Variants in TBXAS1 observed in about 807,000 individuals in gnomAD.
The protein encoded by TBXAS1 is thromboxane-A synthase.
A neutral mutation model predicts 60.7 loss-of-function variants in TBXAS1; 48 were observed. The ratio of observed to expected loss-of-function variants is 0.79; its 90% CI spans 0.63 to 1.01. TBXAS1 has a LOEUF of 1.01. Ranked by LOEUF, TBXAS1 falls within the 50% of genes least tolerant of loss-of-function variation. The probability of loss-of-function intolerance (pLI) is 0.00; values close to 1 mark genes in which losing one functional copy is unlikely to be tolerated. For missense variants in TBXAS1, 685 were observed against 686.3 expected, an observed-to-expected ratio of 1.00 and a Z score of 0.02; for synonymous variants, 287 against 269.7, an observed-to-expected ratio of 1.06 and a Z score of -0.63.
In TBXAS1 at chr7:139,911,353, T is replaced by C. The variant is rs766047290; in HGVS notation, c.333+32T>C. On this transcript the variant is annotated intron_variant, in intron 4 of 12. Coordinates refer to ENST00000448866, the MANE Select transcript of TBXAS1 (RefSeq NM_001061.7). ...AGTTTTCTTTCCGCATATAGATGGA[T>C]GGGGAATTGTTCTCAGATGGAGACA... 11 of 1,570,432 alleles carry C rather than the reference T, an allele frequency of 7.0e-6. No homozygotes were observed. In the Admixed American group the frequency reaches 1.7e-4, roughly 24 times the overall value.
In TBXAS1 at chr7:139,997,424, A is replaced by G. The variant is rs187026308; in HGVS notation, c.1135-9667A>G. On this transcript the variant is annotated intron_variant, in intron 9 of 12. Transcript: ENST00000448866. ...AATCCTAAATATTACCAAACAGCAG[A>G]TAATTCAAAGACTCGAATCTAGTTG... Among the ~76,000 whole-genome samples, 67 of 152,354 alleles carry G rather than the reference A, an allele frequency of 4.4e-4. No homozygotes were observed. In the Middle Eastern group the frequency reaches 0.01, roughly 23 times the overall value.
At chr7:140,003,484 C>T (rs1329756719) in intron 9 of TBXAS1, among the ~76,000 whole-genome samples, 7 of 152,170 alleles carry the variant, frequency 4.6e-5, no homozygotes, top group African/African-American at 9.7e-5. Flanking sequence ...GGATTACAGG[C>T]GTGAGCCACC....
rs1400154157 is a variant in TBXAS1, at chr7:139,865,900, GGGA to G, written c.90-6331_90-6329del. Among the ~76,000 whole-genome samples the G allele has an allele frequency of 2.5e-4, 36 of 143,954 alleles. 3 individuals are homozygous for G. The highest frequency in any genetic ancestry group is 9.4e-4 in the African/African-American group (35 of 37,382). The allele number at this position is 143,954 out of a possible 152,430, so 94.4% of individuals were successfully genotyped here. A position where few individuals can be genotyped will look rare whatever the true frequency, so the allele number is the denominator to read the frequency against. On this transcript the variant is annotated intron_variant, in intron 1 of 12. Transcript: ENST00000448866. ...GAGGGAGGGAAGGAGGAAGGAGGGA[GGGA>G]GGAAGGAAGGAAAGAGGGAGGGAAG... is the stretch of plus-strand genomic sequence containing the variant.
chr7:139,900,006 G>A (rs1188950217), intron 3 of TBXAS1, among the ~76,000 whole-genome samples: 4 of 152,176 alleles, frequency 2.6e-5, no homozygotes, highest in African/African-American at 7.2e-5. Context: ...CATTTTCTAT[G>A]AGAATTACAT....
intron 9 of TBXAS1, among the ~76,000 whole-genome samples, chr7:140,005,248 G>T (rs1203415186): frequency 6.6e-6 from 1 of 152,162 alleles, no homozygotes; most frequent in Non-Finnish European, 1.5e-5. Flanking sequence ...GGCCAACATG[G>T]TGAAACCCCA....
chr7:139,810,390 G>A (rs964710065), intron 4 of TBXAS1, among the ~76,000 whole-genome samples: 2 of 152,186 alleles, frequency 1.3e-5, no homozygotes, highest in African/African-American at 4.8e-5. Context: ...GGAAATCAGA[G>A]TAGTCCACCA....
chr7:139,910,701 G>A (rs1023599663), intron 3 of TBXAS1, among the ~76,000 whole-genome samples: 1 of 152,192 alleles, frequency 6.6e-6, no homozygotes, highest in South Asian at 2.1e-4. Context: ...GTGGCGACCA[G>A]ATATTCAGTT....
intron 5 of TBXAS1, among the ~76,000 whole-genome samples, chr7:139,951,978 G>GAAAGAAAGAA (rs1809419548): frequency 6.9e-6 from 1 of 144,256 alleles, no homozygotes; most frequent in Non-Finnish European, 1.5e-5. Context: ...AAGAAAGAAA[G>GAAAGAAAGAA]AAAGAAAGAA....
At chr7:139,917,849 A>C (rs1806129226) in intron 4 of TBXAS1, among the ~76,000 whole-genome samples, 1 of 152,240 alleles carries the variant, frequency 6.6e-6, no homozygotes, top group Admixed American at 6.5e-5. Flanking sequence ...TTTTTTAACA[A>C]AAAGAAATTA....
At chr7:139,961,779 T>A in intron 8 of TBXAS1, 140 bp from the exon 9 acceptor site, 1 of 1,055,542 alleles carries the variant, frequency 9.5e-7, no homozygotes. Flanking sequence ...CCGTCCCAGA[T>A]AACCCAGCAA....
chr7:139,974,711 A>G (rs1811445635), intron 9 of TBXAS1, among the ~76,000 whole-genome samples: 1 of 152,226 alleles, frequency 6.6e-6, no homozygotes, highest in African/African-American at 2.4e-5. Context: ...AGCTACTCTC[A>G]TTCGCCTTTC....
chr7:140,015,971 A>C, intron 11 of TBXAS1, 111 bp downstream of exon 11: 1 of 1,463,404 alleles, frequency 6.8e-7, no homozygotes, highest in South Asian at 1.1e-5. Context: ...TTGTCCCCAA[A>C]TAGTCAAAAG....
chr7:139,946,897 A>T (rs1335133643), intron 5 of TBXAS1, among the ~76,000 whole-genome samples: 1 of 152,186 alleles, frequency 6.6e-6, no homozygotes, highest in Non-Finnish European at 1.5e-5. Context: ...GCCTTTGAGT[A>T]TTTGCTATGC....
At chr7:139,906,820 T>G (rs1805129437) in intron 3 of TBXAS1, among the ~76,000 whole-genome samples, 1 of 152,250 alleles carries the variant, frequency 6.6e-6, no homozygotes, top group Non-Finnish European at 1.5e-5. Context: ...GCAATGTGCT[T>G]TCATTTGGTT....
At chr7:139,819,333 A>G (rs1798232396) in intron 4 of TBXAS1, among the ~76,000 whole-genome samples, 1 of 152,204 alleles carries the variant, frequency 6.6e-6, no homozygotes. Context: ...ACAAGATGGA[A>G]AAAGCCTGAA....
intron 9 of TBXAS1, among the ~76,000 whole-genome samples, chr7:139,996,901 G>A (rs981952425): frequency 6.6e-6 from 1 of 152,122 alleles, no homozygotes. Context: ...CTGACTACTG[G>A]CCTTGTGATT....
intron 5 of TBXAS1, among the ~76,000 whole-genome samples, chr7:139,948,571 T>C (rs899359927): frequency 1.3e-5 from 2 of 152,222 alleles, no homozygotes; most frequent in Non-Finnish European, 1.5e-5. Flanking sequence ...GTAATACATG[T>C]GCATTGTGAA....
chr7:139,956,516 G>C (rs923155416), intron 7 of TBXAS1, among the ~76,000 whole-genome samples: 2 of 152,186 alleles, frequency 1.3e-5, no homozygotes, highest in African/African-American at 4.8e-5. Flanking sequence ...GCTTTTATAG[G>C]AGCATTGACG....
At chr7:139,986,110 G>A (rs916613578) in intron 9 of TBXAS1, among the ~76,000 whole-genome samples, 1 of 152,226 alleles carries the variant, frequency 6.6e-6, no homozygotes, top group Non-Finnish European at 1.5e-5. Flanking sequence ...GAATGGACAT[G>A]GGGAGGCCTT....
Sources: gnomAD v4.1 joint callset for allele counts (sites outside exome capture counted in the v4.1 genomes callset) on GRCh38, gnomAD v4.1.1 for gene constraint, MANE v1.5 for transcripts, NCBI Gene and HGNC (gene_info 2026-07-23, HGNC 2026-07-21) for gene names.